Variants in REEP3 observed in about 807,000 individuals in gnomAD.
REEP3 encodes receptor expression-enhancing protein 3.
In REEP3, 20 loss-of-function variants were observed where a neutral mutation model predicts 41.3. The observed-to-expected ratio is 0.48, with a 90% confidence interval of 0.34 to 0.70. REEP3 has a LOEUF of 0.70. Among genes scored for constraint, REEP3 ranks in the 30% least tolerant of loss-of-function variants. REEP3 has a pLI of 0.01. For synonymous variants in REEP3, 104 were observed against 101.8 expected, an observed-to-expected ratio of 1.02 and a Z score of -0.13; for missense variants, 271 against 308.8, an observed-to-expected ratio of 0.88 and a Z score of 0.92.
At chr10:63,553,499 G>T (rs1955649013) in intron 1 of REEP3, among the ~76,000 whole-genome samples, 1 of 152,018 alleles carries the variant, frequency 6.6e-6, no homozygotes, top group Admixed American at 6.6e-5. Flanking sequence ...AAATTAACCT[G>T]GTGAAGCGTT....
chr10:63,577,209 T>C (rs1955905801), intron 2 of REEP3, among the ~76,000 whole-genome samples: 1 of 152,202 alleles, frequency 6.6e-6, no homozygotes, highest in Non-Finnish European at 1.5e-5. Context: ...ACATTCAGTT[T>C]ATAAACTTTT....
intron 2 of REEP3, among the ~76,000 whole-genome samples, chr10:63,581,807 TA>T (rs1242151023): frequency 6.6e-6 from 1 of 151,838 alleles, no homozygotes; most frequent in Non-Finnish European, 1.5e-5. Flanking sequence ...AAAATTCTTT[TA>T]TCTGCTCAAT....
chr10:63,618,321 C>T (rs1956328327), intron 6 of REEP3, among the ~76,000 whole-genome samples: 1 of 138,288 alleles, frequency 7.2e-6, no homozygotes, highest in African/African-American at 2.7e-5. Flanking sequence ...TCTCAGCTCA[C>T]TGCAAGCTCC....
intron 6 of REEP3, among the ~76,000 whole-genome samples, chr10:63,619,219 A>G (rs192041488): frequency 6.6e-6 from 1 of 152,308 alleles, no homozygotes; most frequent in Admixed American, 6.5e-5. Flanking sequence ...GACACATAGA[A>G]CGGAAAAGCC....
chr10:63,526,727 C>T (rs1955368299), intron 1 of REEP3, among the ~76,000 whole-genome samples: 2 of 151,886 alleles, frequency 1.3e-5, no homozygotes. Context: ...GCCCATTTAT[C>T]TCTTGGTTAC....
chr10:63,618,234 C>CTTT (rs1956327203), intron 6 of REEP3, among the ~76,000 whole-genome samples: 1 of 113,270 alleles, frequency 8.8e-6, no homozygotes, highest in Non-Finnish European at 1.8e-5. Flanking sequence ...TTCTTTCCTT[C>CTTT]TTCTTTTTTT....
At chr10:63,560,695 T>G (rs1465936148) in intron 1 of REEP3, among the ~76,000 whole-genome samples, 2 of 152,186 alleles carry the variant, frequency 1.3e-5, no homozygotes, top group Non-Finnish European at 2.9e-5. Flanking sequence ...TGAAACAATA[T>G]TCAATGTAAG....
At chr10:63,531,709 G>A (rs963302092) in intron 1 of REEP3, among the ~76,000 whole-genome samples, 1 of 152,156 alleles carries the variant, frequency 6.6e-6, no homozygotes, top group Non-Finnish European at 1.5e-5. Flanking sequence ...TTCTGTTGAA[G>A]TGATCCTTTA....
At chr10:63,559,216 A>G (rs970236226) in intron 1 of REEP3, among the ~76,000 whole-genome samples, 16 of 152,222 alleles carry the variant, frequency 1.1e-4, no homozygotes, top group Non-Finnish European at 2.2e-4. Flanking sequence ...TTCAGGGGAA[A>G]GTATAGCTAG....
chr10:63,556,527 CTCTCTT>C (rs1955682377), intron 1 of REEP3, among the ~76,000 whole-genome samples: 1 of 97,512 alleles, frequency 1.0e-5, no homozygotes, highest in Non-Finnish European at 3.0e-5. Context: ...AATTTGCCCT[CTCTCTT>C]AATTTTACAT....
At chr10:63,561,083 T>C (rs1589867370) in intron 1 of REEP3, among the ~76,000 whole-genome samples, 1 of 152,344 alleles carries the variant, frequency 6.6e-6, no homozygotes, top group Admixed American at 6.5e-5. Flanking sequence ...GTTAAGGGTA[T>C]TCTGTTTATT....
intron 6 of REEP3, among the ~76,000 whole-genome samples, chr10:63,618,226 C>A (rs966518564): frequency 5.0e-5 from 6 of 119,242 alleles, no homozygotes; most frequent in Non-Finnish European, 1.1e-4. Flanking sequence ...ATGGGGATTT[C>A]TTTCCTTCTT....
At chr10:63,596,060 AT>A (rs1448127671) in intron 3 of REEP3, among the ~76,000 whole-genome samples, 2 of 152,008 alleles carry the variant, frequency 1.3e-5, no homozygotes, top group Non-Finnish European at 2.9e-5. Context: ...TGTCTTTCCC[AT>A]TTTGCTCTTC....
intron 5 of REEP3, among the ~76,000 whole-genome samples, chr10:63,609,162 G>A (rs1387275414): frequency 1.3e-5 from 2 of 152,086 alleles, no homozygotes; most frequent in East Asian, 3.9e-4. Flanking sequence ...ACTTTAAAAA[G>A]TTGCCCTTGG....
At chr10:63,618,059 C>T (rs1455129384) in intron 6 of REEP3, among the ~76,000 whole-genome samples, 1 of 151,612 alleles carries the variant, frequency 6.6e-6, no homozygotes, top group Admixed American at 6.6e-5. Flanking sequence ...CTCCTGACCT[C>T]AGGTGATCCG....
intron 2 of REEP3, among the ~76,000 whole-genome samples, chr10:63,586,222 G>A (rs778974756): frequency 6.6e-5 from 10 of 152,232 alleles, no homozygotes; most frequent in Admixed American, 3.9e-4. Context: ...TCACATGACC[G>A]TCTGGATTTC....
intron 1 of REEP3, among the ~76,000 whole-genome samples, chr10:63,531,689 C>G (rs1276493741): frequency 6.6e-6 from 1 of 152,142 alleles, no homozygotes; most frequent in Non-Finnish European, 1.5e-5. Context: ...ACATTTTTAT[C>G]ATCGCAGAGT....
chr10:63,598,916 A>AC (rs1956145114), intron 4 of REEP3, among the ~76,000 whole-genome samples: 1 of 151,676 alleles, frequency 6.6e-6, no homozygotes, highest in Non-Finnish European at 1.5e-5. Flanking sequence ...ATATAGTGAG[A>AC]CCCCGTCTCT....
intron 2 of REEP3, among the ~76,000 whole-genome samples, chr10:63,585,682 T>A (rs1955999092): frequency 1.3e-5 from 2 of 152,214 alleles, no homozygotes; most frequent in Admixed American, 1.3e-4. Flanking sequence ...TTATTACAAT[T>A]ATAACATTTA....
Sources: gnomAD v4.1 joint callset for allele counts (sites outside exome capture counted in the v4.1 genomes callset) on GRCh38, gnomAD v4.1.1 for gene constraint, MANE v1.5 for transcripts, NCBI Gene and HGNC (gene_info 2026-07-23, HGNC 2026-07-21) for gene names.